The following PTPRN2 variants were observed in gnomAD, a reference collection of about 807,000 sequenced individuals.
PTPRN2 encodes receptor-type tyrosine-protein phosphatase N2.
In PTPRN2, 74 loss-of-function variants were observed where a neutral mutation model predicts 118.8. That is an observed-to-expected ratio of 0.62 (90% CI 0.52 to 0.76). The LOEUF (loss-of-function observed/expected upper bound fraction) is 0.76. PTPRN2 is among the 30% of genes least tolerant of loss of function. PTPRN2 has a pLI of 0.00. For missense variants in PTPRN2, 1,481 were observed against 1,394.4 expected, an observed-to-expected ratio of 1.06 and a Z score of -0.99; for synonymous variants, 641 against 608.0, an observed-to-expected ratio of 1.05 and a Z score of -0.80.
intron 11 of PTPRN2, among the ~76,000 whole-genome samples, chr7:157,899,023 G>T (rs984695296): frequency 7.2e-5 from 11 of 152,226 alleles, no homozygotes; most frequent in African/African-American, 2.7e-4. Flanking sequence ...AATCACTGAT[G>T]AGAAATATGT....
rs114839188 is a variant in PTPRN2 at position 157,779,464 on chromosome 7, A to G, written c.1789-96527T>C. ...GCTGCCCCTCACCACACACTGCTGC[A>G]CTGTGCTCCACATCCTGACAGGCAG... is the stretch of plus-strand genomic sequence containing the variant. On this transcript the variant is annotated intron_variant, in intron 12 of 22. Coordinates refer to ENST00000389418, the MANE Select transcript of PTPRN2 (RefSeq NM_002847.5). The surrounding 1 kb of genome is among the most constrained non-coding windows in gnomAD (Gnocchi z 4.7). Among the ~76,000 whole-genome samples the G allele has an allele frequency of 0.013, 2,007 of 152,240 alleles. 42 individuals carry two copies. The highest frequency in any genetic ancestry group is 0.046 in the African/African-American group (1,901 of 41,550).
intron 11 of PTPRN2, among the ~76,000 whole-genome samples, chr7:157,951,760 A>G (rs1210750095): frequency 6.6e-6 from 1 of 152,098 alleles, no homozygotes; most frequent in Admixed American, 6.5e-5. Flanking sequence ...TCCACCTCCC[A>G]CCATCTTCCC....
chr7:157,977,949 C>G lies in PTPRN2; in HGVS notation c.1724-79212G>C, dbSNP rs560443657. On this transcript the variant is annotated intron_variant, in intron 11 of 22. Coordinates refer to ENST00000389418, the MANE Select transcript of PTPRN2 (RefSeq NM_002847.5). The surrounding 1 kb of genome is among the most constrained non-coding windows in gnomAD (Gnocchi z 4.6). The stretch of plus-strand genomic sequence containing the variant: ...CGGCAGGACTCACCGCCGCAGGCAG[C>G]AGGCTCAGGCACCTTTGGTAACTAG... Among the ~76,000 whole-genome samples the G allele has an allele frequency of 3.3e-5, 5 of 151,980 alleles. No homozygotes were observed. In the East Asian group the frequency reaches 9.7e-4, roughly 29 times the overall value.
At chr7:158,160,113 G>A (rs958665500) in intron 6 of PTPRN2, among the ~76,000 whole-genome samples, 1 of 152,240 alleles carries the variant, frequency 6.6e-6, no homozygotes, top group East Asian at 1.9e-4. Flanking sequence ...AAGGAGTTGT[G>A]TGTGAGTGCC....
At position 157,673,751 on chromosome 7, in the gene PTPRN2, G is replaced by C. The variant is rs561187822; in HGVS notation, c.2001+8974C>G. Among the ~76,000 whole-genome samples, 108 of 151,814 alleles carry C rather than the reference G, an allele frequency of 7.1e-4. No homozygotes were observed. In the Middle Eastern group the frequency reaches 0.01, roughly 14 times the overall value. ...CGTTGCCTTTTTCTTCCTCTCCCACGTTCTGTTCTCACGTACTCTGAACCC... is the reference window on the plus strand; with the variant it reads ...CGTTGCCTTTTTCTTCCTCTCCCACCTTCTGTTCTCACGTACTCTGAACCC... On this transcript the variant is annotated intron_variant, in intron 13 of 22. Coordinates refer to ENST00000389418, the MANE Select transcript of PTPRN2 (RefSeq NM_002847.5).
chr7:157,890,399 T>C (rs190550148), intron 12 of PTPRN2, among the ~76,000 whole-genome samples: 3 of 152,304 alleles, frequency 2.0e-5, no homozygotes, highest in South Asian at 2.1e-4. Flanking sequence ...CCCAGCACTT[T>C]GGGAGGCCAA....
At chr7:158,033,169 G>A (rs375669666) in intron 11 of PTPRN2, among the ~76,000 whole-genome samples, 3 of 77,684 alleles carry the variant, frequency 3.9e-5, no homozygotes, top group Non-Finnish European at 7.5e-5. Context: ...CAGAGCCATT[G>A]GGGGCCACGA....
In PTPRN2 at chr7:158,047,307, C is replaced by T. The variant is rs140710202; in HGVS notation, c.1723+33991G>A. On this transcript the variant is annotated intron_variant, in intron 11 of 22. Coordinates refer to ENST00000389418, the MANE Select transcript of PTPRN2 (RefSeq NM_002847.5). ...GGCCAGGAGCCGAGGGCAGGTCACTCAGTTCCCTTTCTCTCAAGGAGCTTT... is the reference window on the plus strand; with the variant it reads ...GGCCAGGAGCCGAGGGCAGGTCACTTAGTTCCCTTTCTCTCAAGGAGCTTT... Among the ~76,000 whole-genome samples the T allele has an allele frequency of 4.1e-3, 618 of 152,376 alleles. 2 individuals carry two copies. Among genetic ancestry groups the T allele is most frequent in the Non-Finnish European group, 5.6e-3 (382 of 68,046 alleles).
At chr7:158,327,299 A>T (rs1032855497) in intron 2 of PTPRN2, among the ~76,000 whole-genome samples, 2 of 131,092 alleles carry the variant, frequency 1.5e-5, no homozygotes, top group African/African-American at 5.1e-5. Context: ...ACATGTACAC[A>T]TTCTCACACA....
At chr7:158,338,328 C>T (rs1402154774) in intron 2 of PTPRN2, among the ~76,000 whole-genome samples, 2 of 40,182 alleles carry the variant, frequency 5.0e-5, no homozygotes, top group Admixed American at 2.7e-4. Flanking sequence ...TAAGAGCTGA[C>T]ACCCGCAGAC....
chr7:158,226,661 G>A (rs1430740341), intron 3 of PTPRN2, among the ~76,000 whole-genome samples: 1 of 142,940 alleles, frequency 7.0e-6, no homozygotes, highest in African/African-American at 2.7e-5. Flanking sequence ...GAGGAACGAA[G>A]ACAGCGCTTC....
intron 3 of PTPRN2, among the ~76,000 whole-genome samples, chr7:158,316,489 C>T (rs1354131706): frequency 6.6e-6 from 1 of 152,174 alleles, no homozygotes; most frequent in Non-Finnish European, 1.5e-5. Flanking sequence ...CTCTCCAGGC[C>T]GAGCCACGCC....
intron 11 of PTPRN2, among the ~76,000 whole-genome samples, chr7:158,062,288 T>C (rs1198819417): frequency 6.6e-6 from 1 of 152,258 alleles, no homozygotes; most frequent in African/African-American, 2.4e-5. Context: ...CTCAGTCCTG[T>C]GGACACCAGC....
intron 3 of PTPRN2, among the ~76,000 whole-genome samples, chr7:158,227,907 G>A (rs1252070788): frequency 6.6e-6 from 1 of 151,222 alleles, no homozygotes; most frequent in African/African-American, 2.4e-5. Flanking sequence ...CCCAGGCCTG[G>A]TCAGGGCCAG....
intron 2 of PTPRN2, among the ~76,000 whole-genome samples, chr7:158,401,039 A>C (rs897969935): frequency 6.6e-6 from 1 of 152,148 alleles, no homozygotes; most frequent in African/African-American, 2.4e-5. Flanking sequence ...TCACCCAGGA[A>C]CCGACACGCA....
chr7:158,432,275 G>A (rs187669957), intron 2 of PTPRN2, among the ~76,000 whole-genome samples: 1 of 152,248 alleles, frequency 6.6e-6, no homozygotes, highest in Non-Finnish European at 1.5e-5. Context: ...CCTTGAGCCA[G>A]GGCGAAAGCA....
At chr7:158,386,925 A>G (rs1811430822) in intron 2 of PTPRN2, among the ~76,000 whole-genome samples, 1 of 152,118 alleles carries the variant, frequency 6.6e-6, no homozygotes, top group African/African-American at 2.4e-5. Context: ...CACATCCTCC[A>G]TGATGAACAC....
chr7:158,186,245 G>C (rs1418495221), intron 5 of PTPRN2, among the ~76,000 whole-genome samples: 1 of 152,184 alleles, frequency 6.6e-6, no homozygotes, highest in Admixed American at 6.5e-5. Context: ...CCTTGGAATG[G>C]GTTCATCCAT....
At chr7:157,555,131 G>A (rs1039459179) in intron 21 of PTPRN2, among the ~76,000 whole-genome samples, 1 of 152,232 alleles carries the variant, frequency 6.6e-6, no homozygotes, top group Non-Finnish European at 1.5e-5. Flanking sequence ...TGCTCCGCTG[G>A]CACCCGAATG....
Sources: gnomAD v4.1 joint callset for allele counts (sites outside exome capture counted in the v4.1 genomes callset) on GRCh38, gnomAD v4.1.1 for gene constraint, Gnocchi (gnomAD v3.1) non-coding constraint, MANE v1.5 for transcripts, NCBI Gene and HGNC (gene_info 2026-07-23, HGNC 2026-07-21) for gene names.